TRPC4AP: variants seen among roughly 807,000 people sequenced by gnomAD.
TRPC4AP encodes transient receptor potential cation channel subfamily C member 4 associated protein.
TRPC4AP carries 45 observed loss-of-function variants against 99.0 expected under a neutral mutation model. The ratio of observed to expected loss-of-function variants is 0.45; its 90% CI spans 0.36 to 0.58. The LOEUF is 0.58. Ranked by LOEUF, TRPC4AP falls within the 20% of genes least tolerant of loss-of-function variation. The probability of loss-of-function intolerance (pLI) is 0.00; values close to 1 mark genes in which losing one functional copy is unlikely to be tolerated. For synonymous variants in TRPC4AP, 408 were observed against 385.8 expected (o/e 1.06, Z -0.67); for missense variants, 879 against 985.3 (o/e 0.89, Z 1.44).
chr20:35,017,491 T>C (rs947836262), intron 9 of TRPC4AP, among the ~76,000 whole-genome samples: 3 of 152,254 alleles, frequency 2.0e-5, no homozygotes, highest in Non-Finnish European at 4.4e-5. Context: ...ATAAGGCTAT[T>C]ACTAGCCCTT....
At chr20:35,058,857 T>C (rs1187838048) in intron 3 of TRPC4AP, among the ~76,000 whole-genome samples, 1 of 151,996 alleles carries the variant, frequency 6.6e-6, no homozygotes, top group Admixed American at 6.6e-5. Context: ...CCTGGCTACT[T>C]TGTGTATTTT....
intron 5 of TRPC4AP, among the ~76,000 whole-genome samples, chr20:35,051,831 G>A (rs1435755831): frequency 2.6e-5 from 4 of 152,006 alleles, no homozygotes; most frequent in African/African-American, 9.7e-5. Flanking sequence ...GCTCTAACTA[G>A]CTACCCTTGA....
chr20:35,091,420 C>T (rs984122586), intron 1 of TRPC4AP, among the ~76,000 whole-genome samples: 1 of 152,100 alleles, frequency 6.6e-6, no homozygotes, highest in Admixed American at 6.6e-5. Context: ...TTATTCTATC[C>T]TTTTCGTCAT....
intron 7 of TRPC4AP, among the ~76,000 whole-genome samples, chr20:35,040,253 T>C (rs534483385): frequency 2.6e-5 from 4 of 152,212 alleles, no homozygotes; most frequent in Admixed American, 2.6e-4. Flanking sequence ...TGGGTGTGTC[T>C]GTGAAGGTGA....
intron 10 of TRPC4AP, among the ~76,000 whole-genome samples, chr20:35,014,599 T>C (rs2082710068): frequency 6.6e-6 from 1 of 152,186 alleles, no homozygotes; most frequent in Non-Finnish European, 1.5e-5. Context: ...ACATCATGGC[T>C]AAGCAGTTTC....
intron 5 of TRPC4AP, among the ~76,000 whole-genome samples, chr20:35,050,271 T>C (rs1046210571): frequency 1.3e-5 from 2 of 152,214 alleles, no homozygotes; most frequent in Non-Finnish European, 2.9e-5. Context: ...ATCTCAGAGT[T>C]CTGAAGGCCA....
chr20:35,060,693 C>T (rs1460200292), intron 3 of TRPC4AP, among the ~76,000 whole-genome samples: 1 of 148,460 alleles, frequency 6.7e-6, no homozygotes, highest in Non-Finnish European at 1.5e-5. Context: ...ATATGAAAAT[C>T]AATATAATAC....
At chr20:35,060,073 T>C (rs1156860380) in intron 3 of TRPC4AP, among the ~76,000 whole-genome samples, 4 of 152,092 alleles carry the variant, frequency 2.6e-5, no homozygotes. Flanking sequence ...GATGGCTCCA[T>C]TGGTGAACAA....
Position 35,044,625 on chromosome 20 carries a change from G to C in TRPC4AP, c.745C>G (p.Leu249Val). Residue 249 changes from leucine to valine, a missense_variant, in exon 7 of 19, where the codon CTG (leucine) becomes GTG (valine). This residue lies in a region of TRPC4AP where 603 missense variants were observed against 631.8 expected (regional missense o/e 0.95). Transcript: ENST00000252015. Reference sequence around the variant, plus strand: ...TCCATCTCTGAAATGGTGACAGCCAGAATCCGGCAGAAATTAGCGAGCTGC... The same window carrying C: ...TCCATCTCTGAAATGGTGACAGCCACAATCCGGCAGAAATTAGCGAGCTGC... ...QQQLANFCRI[L>V]AVTISEMDTG... The C allele has an allele frequency of 6.2e-7, 1 of 1,614,136 alleles. No homozygotes were observed. Among genetic ancestry groups the C allele is most frequent in the African/African-American group, 1.3e-5 (1 of 75,018 alleles).
chr20:35,035,407 T>C (rs1419133225), intron 7 of TRPC4AP, 99 bp from the exon 8 acceptor site: 1 of 1,241,446 alleles, frequency 8.1e-7, no homozygotes, highest in Non-Finnish European at 1.1e-6. Context: ...GAATAATTCT[T>C]ACTCTGATAG....
intron 8 of TRPC4AP, among the ~76,000 whole-genome samples, chr20:35,029,826 C>T (rs1232013662): frequency 4.7e-5 from 7 of 148,144 alleles, no homozygotes; most frequent in East Asian, 2.0e-4. Flanking sequence ...TTAGTAGAGA[C>T]GGGGTTTCAC....
intron 6 of TRPC4AP, among the ~76,000 whole-genome samples, 158 bp from the exon 7 acceptor site, chr20:35,044,870 T>C (rs1156299658): frequency 6.6e-6 from 1 of 152,168 alleles, no homozygotes; most frequent in Non-Finnish European, 1.5e-5. Context: ...TTTGGTTAAG[T>C]TACAAAAACC....
chr20:35,088,804 G>A (rs536522796), intron 1 of TRPC4AP, among the ~76,000 whole-genome samples: 3 of 152,098 alleles, frequency 2.0e-5, no homozygotes, highest in African/African-American at 7.2e-5. Context: ...TGATCCTTGA[G>A]GACATTATGT....
intron 4 of TRPC4AP, among the ~76,000 whole-genome samples, chr20:35,055,721 T>C (rs1421716559): frequency 6.6e-6 from 1 of 152,242 alleles, no homozygotes; most frequent in African/African-American, 2.4e-5. Flanking sequence ...AAATTTCCAT[T>C]GAAAGTTCTA....
intron 7 of TRPC4AP, among the ~76,000 whole-genome samples, chr20:35,038,514 T>C (rs1336288546): frequency 6.6e-6 from 1 of 152,114 alleles, no homozygotes; most frequent in East Asian, 1.9e-4. Flanking sequence ...TATACTAGAG[T>C]GTAATTTTTG....
Position 35,015,408 on chromosome 20 carries a change from T to A in TRPC4AP, c.1350+600A>T, listed in dbSNP as rs1381902004. On this transcript the variant is annotated intron_variant, in intron 10 of 18. Coordinates refer to ENST00000252015, the MANE Select transcript of TRPC4AP (RefSeq NM_015638.3). ...AGCCCCTGCCTGGAGTGAAATGAGA[T>A]CCCTATCACAGAGATTACAAGGGGA... 6.7e-5 allele frequency among the ~76,000 whole-genome samples: 10 copies of A among 150,260 alleles called. 1 individual carries two copies.
At chr20:35,005,445 C>A (rs555816660) in intron 16 of TRPC4AP, among the ~76,000 whole-genome samples, 1 of 152,240 alleles carries the variant, frequency 6.6e-6, no homozygotes, top group African/African-American at 2.4e-5. Flanking sequence ...CCAGGCAATA[C>A]CAGCCCAGAA....
chr20:35,013,954 AG>A (rs1233283913), intron 10 of TRPC4AP, among the ~76,000 whole-genome samples: 1 of 152,204 alleles, frequency 6.6e-6, no homozygotes, highest in East Asian at 1.9e-4. Context: ...CTGGGGCAGT[AG>A]GGCCAAGACA....
intron 2 of TRPC4AP, among the ~76,000 whole-genome samples, chr20:35,075,037 T>C (rs1264046025): frequency 6.6e-6 from 1 of 152,192 alleles, no homozygotes; most frequent in African/African-American, 2.4e-5. Context: ...CTTTTGATCT[T>C]TGTTGGTTTA....
Sources: gnomAD v4.1 joint callset for allele counts (sites outside exome capture counted in the v4.1 genomes callset) on GRCh38, gnomAD v4.1.1 for gene constraint, gnomAD v4.1.1 regional missense constraint, MANE v1.5 for transcripts, NCBI Gene and HGNC (gene_info 2026-07-23, HGNC 2026-07-21) for gene names.